PHEX: variants seen among roughly 807,000 people sequenced by gnomAD.
The protein encoded by PHEX is phosphate-regulating neutral endopeptidase PHEX.
Under a neutral mutation model 68.0 loss-of-function variants are expected in PHEX, and 16 were observed. That is an observed-to-expected ratio of 0.24 (90% CI 0.16 to 0.36). The LOEUF (loss-of-function observed/expected upper bound fraction) is 0.36. Ranked by LOEUF, PHEX falls within the 10% of genes least tolerant of loss-of-function variation. The pLI, the probability that PHEX is intolerant of heterozygous loss-of-function variation, is 1.00. For synonymous variants in PHEX, 208 were observed against 205.1 expected, an observed-to-expected ratio of 1.01 and a Z score of -0.12; for missense variants, 480 against 575.5, an observed-to-expected ratio of 0.83 and a Z score of 1.70.
At chrX:22,240,414 A>T (rs1305973963) in intron 20 of PHEX, among the ~76,000 whole-genome samples, 1 of 112,386 alleles carries the variant, frequency 8.9e-6, no homozygotes, top group Non-Finnish European at 1.9e-5. Context: ...AAAGGGGCTA[A>T]ATGCCCCAAT....
chrX:22,066,783 CAG>C (rs1928624443), intron 3 of PHEX, among the ~76,000 whole-genome samples: 2 of 111,852 alleles, frequency 1.8e-5, no homozygotes, highest in African/African-American at 6.5e-5. Context: ...GGAGTGAAAA[CAG>C]GGGTTAGTTG....
chrX:22,097,105 C>A, intron 8 of PHEX, 67 bp downstream of exon 8: 1 of 786,020 alleles, frequency 1.3e-6, no homozygotes, highest in Non-Finnish European at 2.0e-6. Context: ...GATTTCATCT[C>A]TGTGTAAATT....
Position 22,176,087 on chromosome X carries a change from T to C in PHEX, c.1483-2186T>C, listed in dbSNP as rs1000595493. 8.1e-5 allele frequency among the ~76,000 whole-genome samples: 9 copies of C among 111,495 alleles called. 1 individual carries two copies. The highest frequency in any genetic ancestry group is 2.9e-4 in the African/African-American group (9 of 30,747). Reference sequence around the variant, plus strand: ...AAAAGAAAACCTTTATCTTAAAATATAATCAATTATAAGATTTTGGCCAGC... The same window carrying C: ...AAAAGAAAACCTTTATCTTAAAATACAATCAATTATAAGATTTTGGCCAGC... On this transcript the variant is annotated intron_variant, in intron 13 of 21. Coordinates refer to ENST00000379374, the MANE Select transcript of PHEX (RefSeq NM_000444.6).
At chrX:22,036,059 T>A (rs1195991341) in intron 1 of PHEX, among the ~76,000 whole-genome samples, 8,572 of 73,844 alleles carry the variant, frequency 0.12, 454 homozygotes, top group East Asian at 0.18. Context: ...TATATATTTT[T>A]TTTTTTTTTT....
chrX:22,227,258 T>C (rs1935539434), intron 19 of PHEX, among the ~76,000 whole-genome samples: 1 of 112,616 alleles, frequency 8.9e-6, no homozygotes, highest in Non-Finnish European at 1.9e-5. Flanking sequence ...CAGCTTTTTT[T>C]CTCCAAGAGT....
At chrX:22,090,376 G>A in intron 5 of PHEX, 53 bp from the exon 6 acceptor site, 2 of 938,231 alleles carry the variant, frequency 2.1e-6, no homozygotes, top group South Asian at 1.9e-5. Context: ...TGTTAACATG[G>A]TACGTAAGAA....
At chrX:22,211,574 A>C (rs1421995105) in intron 15 of PHEX, among the ~76,000 whole-genome samples, 2 of 112,435 alleles carry the variant, frequency 1.8e-5, no homozygotes, top group African/African-American at 6.5e-5. Context: ...AATGCTGAAC[A>C]AAACTCAACT....
At chrX:22,080,738 AT>A (rs1388796594) in intron 5 of PHEX, among the ~76,000 whole-genome samples, 7 of 111,795 alleles carry the variant, frequency 6.3e-5, no homozygotes, top group South Asian at 3.7e-4. Flanking sequence ...AACAAAAAAA[AT>A]AATAGGCTTT....
chrX:22,101,018 A>T (rs910354510), intron 9 of PHEX, among the ~76,000 whole-genome samples: 12 of 110,522 alleles, frequency 1.1e-4, no homozygotes, highest in Middle Eastern at 4.7e-3. Context: ...CTTAAAAAAA[A>T]TACAAAATTT....
chrX:22,237,652 G>A (rs1196250179), intron 20 of PHEX, among the ~76,000 whole-genome samples: 1 of 111,672 alleles, frequency 9.0e-6, no homozygotes, highest in African/African-American at 3.3e-5. Context: ...TAAACGCTCT[G>A]ACCAACTGCT....
At chrX:22,052,441 T>G (rs1927880229) in intron 3 of PHEX, among the ~76,000 whole-genome samples, 2 of 111,602 alleles carry the variant, frequency 1.8e-5, no homozygotes, top group Admixed American at 1.9e-4. Flanking sequence ...TTTGCCAGGC[T>G]AGTCTCAAAT....
chrX:22,165,475 T>C (rs1933281597), intron 12 of PHEX, among the ~76,000 whole-genome samples: 1 of 111,092 alleles, frequency 9.0e-6, no homozygotes, highest in African/African-American at 3.3e-5. Flanking sequence ...TATTGCCGCT[T>C]AGGGCTGCTT....
rs778017024 is a variant in PHEX, at chrX:22,041,241, A to ATCTCTCTC, written c.187+2722_187+2729dup. 5.0e-3 allele frequency among the ~76,000 whole-genome samples: 258 copies of ATCTCTCTC among 51,092 alleles called. 4 individuals are homozygous for ATCTCTCTC. The highest frequency in any genetic ancestry group is 9.2e-3 in the East Asian group (13 of 1,417). The allele number at this position is 51,092 out of a possible 115,157, so 44.4% of individuals were successfully genotyped here. A position where few individuals can be genotyped will look rare whatever the true frequency, so the allele number is the denominator to read the frequency against. On this transcript the variant is annotated intron_variant, in intron 2 of 21. Transcript: ENST00000379374. Reference sequence around the variant, plus strand: ...TCTTTTTTTGTTCCATTCTTAAGTGATCTCTCTCTCTCTCTCTCTCTCTCT... The same window carrying ATCTCTCTC: ...TCTTTTTTTGTTCCATTCTTAAGTGATCTCTCTCTCTCTCTCTCTCTCTCTCTCTCTCT...
chrX:22,062,229 AG>A (rs761970966), intron 3 of PHEX, among the ~76,000 whole-genome samples: 1 of 111,607 alleles, frequency 9.0e-6, no homozygotes, highest in South Asian at 3.8e-4. Context: ...GTGGAGACAG[AG>A]CCAAACCATA....
intron 1 of PHEX, among the ~76,000 whole-genome samples, chrX:22,036,054 ATTTTTTTTT>A (rs72347239): frequency 1.8e-5 from 1 of 56,740 alleles, no homozygotes; most frequent in Non-Finnish European, 2.9e-5. Flanking sequence ...ATATATATAT[ATTTTTTTTT>A]TTTTTTTTTT....
intron 15 of PHEX, among the ~76,000 whole-genome samples, chrX:22,195,500 C>T (rs1490068994): frequency 9.1e-6 from 1 of 109,307 alleles, no homozygotes; most frequent in Non-Finnish European, 1.9e-5. Context: ...GAGGCTGAGG[C>T]AGGAGAATCA....
intron 15 of PHEX, among the ~76,000 whole-genome samples, chrX:22,193,833 A>C (rs1934279190): frequency 8.9e-6 from 1 of 112,296 alleles, no homozygotes; most frequent in Admixed American, 9.4e-5. Flanking sequence ...TCTACCAGAT[A>C]ATATCAAATG....
intron 8 of PHEX, chrX:22,098,126 C>T (rs1465669410): frequency 3.8e-5 from 4 of 105,611 alleles, no homozygotes; most frequent in Admixed American, 1.1e-4. Flanking sequence ...AACTGTGTCA[C>T]AGAGACAAAT....
intron 12 of PHEX, among the ~76,000 whole-genome samples, chrX:22,158,192 G>T (rs1434392688): frequency 9.8e-5 from 11 of 111,831 alleles, no homozygotes; most frequent in African/African-American, 3.6e-4. Flanking sequence ...TGGCATTATG[G>T]AAACTGCCAT....
Sources: allele counts gnomAD v4.1 joint callset (sites outside exome capture counted in the v4.1 genomes callset), GRCh38; gene constraint gnomAD v4.1.1; transcripts MANE v1.5; gene names NCBI Gene and HGNC (gene_info 2026-07-23, HGNC 2026-07-21).